Variants in CHRNB2 observed in about 807,000 individuals in gnomAD.
The protein encoded by CHRNB2 is cholinergic receptor nicotinic beta 2 subunit, also known as neuronal acetylcholine receptor subunit beta-2.
CHRNB2 carries 33 observed loss-of-function variants against 42.7 expected under a neutral mutation model. That is an observed-to-expected ratio of 0.77 (90% confidence interval 0.59 to 1.03). CHRNB2 has a LOEUF of 1.03. Ranked by LOEUF, CHRNB2 falls within the 50% of genes least tolerant of loss-of-function variation. CHRNB2 has a pLI of 0.00. For synonymous variants in CHRNB2, 325 were observed against 292.9 expected (o/e 1.11, Z -1.12); for missense variants, 603 against 700.9 (o/e 0.86, Z 1.58).
Position 154,567,978 on chromosome 1 carries a change from C to T in CHRNB2, c.-67C>T. 1 of 1,414,278 alleles carries T rather than the reference C, an allele frequency of 7.1e-7. No homozygotes were observed. Among genetic ancestry groups the T allele is most frequent in the East Asian group, 2.9e-5 (1 of 35,050 alleles). 87.6% of individuals were successfully genotyped at this position (1,414,278 alleles called of 1,614,324 possible). A position where few individuals can be genotyped will look rare whatever the true frequency, so the allele number is the denominator to read the frequency against. On this transcript the variant is annotated 5_prime_UTR_variant, in exon 1 of 6. Transcript: ENST00000368476. ...CTTCAGCACCACGGACAGCGCCCCA[C>T]CCGCGGCCCTCCCCCCGGCGGCGCG...
intron 5 of CHRNB2, among the ~76,000 whole-genome samples, chr1:154,573,252 T>C (rs1392118935): frequency 6.6e-6 from 1 of 152,160 alleles, no homozygotes; most frequent in African/African-American, 2.4e-5. Flanking sequence ...GGTTACCGCC[T>C]CCACCTCTCC....
Position 154,571,581 on chromosome 1 carries a change from T to G in CHRNB2, c.758T>G (p.Ile253Ser). 2 of 1,614,214 alleles carry G rather than the reference T, an allele frequency of 1.2e-6. No homozygotes were observed. The highest frequency in any genetic ancestry group is 1.7e-6 in the Non-Finnish European group (2 of 1,180,024). The change falls in exon 5 of 6, where the codon ATC becomes AGC. Residue 253 changes from isoleucine to serine, a missense_variant. By Grantham distance (142) the Ile-to-Ser change is moderately radical. Transcript: ENST00000368476. The surrounding 1 kb of genome is among the most constrained non-coding windows in gnomAD (Gnocchi z 6.8). ...TGTGTGCTCATCACCTCGCTAGCCATCCTTGTCTTCTACCTGCCATCCGAC... is the reference window on the plus strand; with the variant it reads ...TGTGTGCTCATCACCTCGCTAGCCAGCCTTGTCTTCTACCTGCCATCCGAC... The part of the protein sequence containing the change: ...IPCVLITSLA[I>S]LVFYLPSDCG...
Position 154,572,138 on chromosome 1 carries a change from C to A in CHRNB2, c.1315C>A (p.Arg439=). ...CGTGCGCTTCATCGCAGACCACATG[C>A]GGAGCGAGGACGATGACCAGAGCGT... ...DGVRFIADHM[R]SEDDDQSVSE... is the part of the protein sequence containing the mutation. The change falls in exon 5 of 6, where the codon CGG becomes AGG. Residue 439 remains arginine (R), a synonymous_variant. Transcript: ENST00000368476. The A allele has an allele frequency of 6.5e-7, 1 of 1,537,728 alleles. No homozygotes were observed.
chr1:154,572,697 G>A (rs1292440706), intron 5 of CHRNB2, among the ~76,000 whole-genome samples: 1 of 152,110 alleles, frequency 6.6e-6, no homozygotes. Flanking sequence ...CCAGGAGCCT[G>A]CTTGTGGTGG....
Position 154,575,931 on chromosome 1 carries a change from G to A in CHRNB2, c.1508G>A (p.Ter503=), listed in dbSNP as rs781068734. The change falls in exon 6 of 6, where the codon TGA becomes TAA. Residue 503 remains the stop codon, a stop_retained_variant. Coordinates refer to ENST00000368476, the MANE Select transcript of CHRNB2 (RefSeq NM_000748.3). The part of the protein sequence containing the change: ...HSDHSAPSSK[*] ...GACCACTCAGCCCCCAGCTCCAAGT[G>A]AGGCCCTTCCTCATCTCCATGCTCT... 4 of 1,613,994 alleles carry A rather than the reference G, an allele frequency of 2.5e-6. No individual in the cohort carries two copies. The highest frequency in any genetic ancestry group is 1.3e-5 in the African/African-American group (1 of 74,924).
At position 154,576,686 on chromosome 1, in the gene CHRNB2, C is replaced by T. The variant is rs1010394652; in HGVS notation, c.*754C>T. 5 of 152,766 alleles carry T rather than the reference C, an allele frequency of 3.3e-5. No homozygotes were observed. Among genetic ancestry groups the T allele is most frequent in the African/African-American group, 1.2e-4 (5 of 41,468 alleles). The allele number at this position is 152,766 out of a possible 1,614,324, so 9.5% of individuals were successfully genotyped here. On this transcript the variant is annotated 3_prime_UTR_variant, in exon 6 of 6. Transcript: ENST00000368476. ...GGGGCAAGGCTGAGTATTAGGGGAG[C>T]TTCTGAGTTCTGAATCTTTGGGTGA...
rs1402889284 is a variant in CHRNB2 at position 154,576,715 on chromosome 1, G to A, written c.*783G>A. ...TGAGTTCTGAATCTTTGGGTGACCTGCTTGGAGTCTCAGGTCCAAATACTT... is the reference window on the plus strand; with the variant it reads ...TGAGTTCTGAATCTTTGGGTGACCTACTTGGAGTCTCAGGTCCAAATACTT... On this transcript the variant is annotated 3_prime_UTR_variant, in exon 6 of 6. Transcript: ENST00000368476. The A allele has an allele frequency of 6.6e-6, 1 of 152,398 alleles. No individual in the cohort carries two copies. The highest frequency in any genetic ancestry group is 1.5e-5 in the Non-Finnish European group (1 of 68,204). The allele number at this position is 152,398 out of a possible 1,614,324, so 9.4% of individuals were successfully genotyped here.
In CHRNB2 at chr1:154,576,324, GA is replaced by G; in HGVS notation, c.*394del. The G allele has an allele frequency of 2.9e-6, 1 of 349,720 alleles. No homozygotes were observed. The allele number at this position is 349,720 out of a possible 1,614,324, so 21.7% of individuals were successfully genotyped here. ...GAAGAGGGGTATAGGACAAGGGGTG[GA>G]AGGGCAGGAGCTCACACCGCACCGG... On this transcript the variant is annotated 3_prime_UTR_variant, in exon 6 of 6. Transcript: ENST00000368476.
rs1265355642 is a variant in CHRNB2, at chr1:154,578,677, T to G, written c.*2745T>G. ...TGAACCCTCAAGTGCACTGGGAAGCTTTGGGGAACCACAGTCTCTTCCACC... is the reference window on the plus strand; with the variant it reads ...TGAACCCTCAAGTGCACTGGGAAGCGTTGGGGAACCACAGTCTCTTCCACC... On this transcript the variant is annotated 3_prime_UTR_variant, in exon 6 of 6. Transcript: ENST00000368476. The G allele has an allele frequency of 6.6e-6, 1 of 152,272 alleles. No homozygotes were observed. The highest frequency in any genetic ancestry group is 1.5e-5 in the Non-Finnish European group (1 of 68,080). 9.4% of individuals were successfully genotyped at this position (152,272 alleles called of 1,614,324 possible).
At position 154,575,993 on chromosome 1, in the gene CHRNB2, G is replaced by A. The variant is rs200519583; in HGVS notation, c.*61G>A. On this transcript the variant is annotated 3_prime_UTR_variant, in exon 6 of 6. Coordinates refer to ENST00000368476, the MANE Select transcript of CHRNB2 (RefSeq NM_000748.3). ...ACCCTCTGCTGCACAGTAGTGTTGG[G>A]TGGAGGATGGACGAGTGAGCTACCA... is the stretch of plus-strand genomic sequence containing the variant. The A allele has an allele frequency of 4.4e-6, 7 of 1,603,742 alleles. No homozygotes were observed. The highest frequency in any genetic ancestry group is 6.0e-6 in the Non-Finnish European group (7 of 1,173,048).
rs1377006470 is a variant in CHRNB2, at chr1:154,571,889, T to C, written c.1066T>C (p.Cys356Arg). The C allele has an allele frequency of 6.3e-7, 1 of 1,593,226 alleles. No homozygotes were observed. The highest frequency in any genetic ancestry group is 8.5e-7 in the Non-Finnish European group (1 of 1,173,224). ...CTTCATGCAGCAGCCACGCCATCAT[T>C]GCGCCCGTCAGCGCCTGCGCCTGCG... ...LLFMQQPRHH[C>R]ARQRLRLRRR... The change falls in exon 5 of 6, where the codon TGC (cysteine) becomes CGC (arginine). Residue 356 changes from cysteine (C) to arginine (R), a missense_variant. By Grantham distance (180) the Cys-to-Arg change is radical. Transcript: ENST00000368476. This position sits in a 1 kb window ranked among gnomAD's most constrained non-coding sequence, Gnocchi z 6.8.
chr1:154,568,207 G>C (rs1482184544), intron 1 of CHRNB2, 99 bp downstream of exon 1: 1 of 1,398,358 alleles, frequency 7.2e-7, no homozygotes, highest in Non-Finnish European at 9.9e-7. Flanking sequence ...GAAGGTGGAA[G>C]AAGGGATTCC....
Position 154,572,140 on chromosome 1 carries a change from G to T in CHRNB2, c.1317G>T (p.Arg439=). The part of the protein sequence containing the change: ...DGVRFIADHM[R]SEDDDQSVSE... ...TGCGCTTCATCGCAGACCACATGCGGAGCGAGGACGATGACCAGAGCGTGA... is the reference window on the plus strand; with the variant it reads ...TGCGCTTCATCGCAGACCACATGCGTAGCGAGGACGATGACCAGAGCGTGA... Residue 439 remains arginine (R), a synonymous_variant, in exon 5 of 6, where the codon CGG becomes CGT. Transcript: ENST00000368476. 1 of 1,537,750 alleles carries T rather than the reference G, an allele frequency of 6.5e-7. No individual in the cohort carries two copies.
chr1:154,572,936 G>A (rs1354346510), intron 5 of CHRNB2, among the ~76,000 whole-genome samples: 3 of 152,130 alleles, frequency 2.0e-5, no homozygotes, highest in Non-Finnish European at 2.9e-5. Context: ...CCCCGACCCC[G>A]CACTTTGGGT....
chr1:154,576,081 A>G lies in CHRNB2; in HGVS notation c.*149A>G. ...CTTCATCTGGAGTCCCTCCTCCCCC[A>G]CGCCTCCATCCACACACAGCAGCTC... On this transcript the variant is annotated 3_prime_UTR_variant, in exon 6 of 6. Transcript: ENST00000368476. The G allele has an allele frequency of 1.0e-6, 1 of 969,076 alleles. No individual in the cohort carries two copies. The highest frequency in any genetic ancestry group is 2.0e-5 in the Admixed American group (1 of 50,954). 60.0% of individuals were successfully genotyped at this position (969,076 alleles called of 1,614,324 possible). A position where few individuals can be genotyped will look rare whatever the true frequency, so the allele number is the denominator to read the frequency against.
chr1:154,571,165 C>T lies in CHRNB2; in HGVS notation c.366-24C>T, dbSNP rs141567436. The T allele has an allele frequency of 6.2e-7, 1 of 1,614,110 alleles. No homozygotes were observed. Among genetic ancestry groups the T allele is most frequent in the East Asian group, 2.2e-5 (1 of 44,876 alleles). ...GGAGGAAGGAACGCTTAGGCCAGGG[C>T]TGACTGTGCCCATCCTTTGGCAGTG... On this transcript the variant is annotated intron_variant, in intron 4 of 5. Transcript: ENST00000368476. The surrounding 1 kb of genome is among the most constrained non-coding windows in gnomAD (Gnocchi z 6.8).
Position 154,578,127 on chromosome 1 carries a change from C to A in CHRNB2, c.*2195C>A, listed in dbSNP as rs199543295. 1.3e-5 allele frequency: 2 copies of A among 152,306 alleles called. No individual in the cohort carries two copies. Among genetic ancestry groups the A allele is most frequent in the Non-Finnish European group, 2.9e-5 (2 of 68,114 alleles). 9.4% of individuals were successfully genotyped at this position (152,306 alleles called of 1,614,324 possible). A position where few individuals can be genotyped will look rare whatever the true frequency, so the allele number is the denominator to read the frequency against. On this transcript the variant is annotated 3_prime_UTR_variant, in exon 6 of 6. Transcript: ENST00000368476. ...CCTGAACCCTCCTTGAACTCATGGT[C>A]CTGGGGAAGGCGTCTTGGAACCAGA...
Position 154,571,683 on chromosome 1 carries a change from T to C in CHRNB2, c.860T>C (p.Val287Ala), listed in dbSNP as rs1270640411. The stretch of plus-strand genomic sequence containing the variant: ...TTCCTGCTGCTCATCTCCAAGATCG[T>C]GCCTCCCACCTCCCTCGACGTGCCG... ...TVFLLLISKI[V>A]PPTSLDVPLV... The change falls in exon 5 of 6, where the codon GTG (valine) becomes GCG (alanine). Residue 287 changes from valine to alanine, a missense_variant. This residue lies in a region of CHRNB2 where 333 missense variants were observed against 452.6 expected (regional missense o/e 0.74). Coordinates refer to ENST00000368476, the MANE Select transcript of CHRNB2 (RefSeq NM_000748.3). This position sits in a 1 kb window ranked among gnomAD's most constrained non-coding sequence, Gnocchi z 6.8. 1 of 1,612,116 alleles carries C rather than the reference T, an allele frequency of 6.2e-7. No homozygotes were observed. The highest frequency in any genetic ancestry group is 8.5e-7 in the Non-Finnish European group (1 of 1,179,090).
Position 154,568,038 on chromosome 1 carries a change from CCG to C in CHRNB2, c.-4_-3del. ...GTGTAGGCGAGGCAGCGAGCTATGC[CCG>C]CGGCATGGCCCGGCGCTGCGGCCCC... On this transcript the variant is annotated 5_prime_UTR_variant, in exon 1 of 6. Coordinates refer to ENST00000368476, the MANE Select transcript of CHRNB2 (RefSeq NM_000748.3). The C allele has an allele frequency of 6.3e-7, 1 of 1,588,158 alleles. No homozygotes were observed. Among genetic ancestry groups the C allele is most frequent in the Non-Finnish European group, 8.5e-7 (1 of 1,169,948 alleles).
Sources: allele counts gnomAD v4.1 joint callset (sites outside exome capture counted in the v4.1 genomes callset), GRCh38; gene constraint gnomAD v4.1.1; regional missense constraint gnomAD v4.1.1; non-coding constraint Gnocchi (gnomAD v3.1); transcripts MANE v1.5; gene names NCBI Gene and HGNC (gene_info 2026-07-23, HGNC 2026-07-21).